CAD: variants seen among roughly 807,000 people sequenced by gnomAD.
CAD encodes the protein carbamoyl-phosphate synthetase 2, aspartate transcarbamylase, and dihydroorotase, also known as multifunctional protein CAD.
Under a neutral mutation model 237.2 loss-of-function variants are expected in CAD, and 81 were observed. The ratio of observed to expected loss-of-function variants is 0.34; its 90% CI spans 0.29 to 0.41. The LOEUF (loss-of-function observed/expected upper bound fraction) is 0.41. CAD is among the 10% of genes least tolerant of loss of function. The pLI is 1.00. For synonymous variants in CAD, 1,196 were observed against 1,162.8 expected (o/e 1.03, Z -0.58); for missense variants, 2,181 against 2,951.7 (o/e 0.74, Z 6.05).
rs115405095 is a variant in CAD, at chr2:27,219,358, T to G, written c.222+1342T>G. 5.5e-3 allele frequency among the ~76,000 whole-genome samples: 841 copies of G among 152,078 alleles called. 9 individuals carry two copies. The highest frequency in any genetic ancestry group is 0.019 in the African/African-American group (777 of 41,418). On this transcript the variant is annotated intron_variant, in intron 2 of 43. Coordinates refer to ENST00000264705, the MANE Select transcript of CAD (RefSeq NM_004341.5). Reference sequence around the variant, plus strand: ...AAGTTTATGGTTTTTGTTTTTTTTTTGGGGACAAGGTCTCACTTTGTCACC... The same window carrying G: ...AAGTTTATGGTTTTTGTTTTTTTTTGGGGGACAAGGTCTCACTTTGTCACC...
At chr2:27,234,941 C>T (rs940868709) in intron 23 of CAD, among the ~76,000 whole-genome samples, 1 of 152,178 alleles carries the variant, frequency 6.6e-6, no homozygotes, top group African/African-American at 2.4e-5. Context: ...CAGAATGCTG[C>T]AGGAGTTCAA....
In CAD at chr2:27,235,449, T is replaced by TC. The variant is rs1675955585; in HGVS notation, c.3969+25dup. 3 of 1,608,034 alleles carry TC rather than the reference T, an allele frequency of 1.9e-6. No individual in the cohort carries two copies. In the South Asian group the frequency reaches 3.3e-5, roughly 18 times the overall value. On this transcript the variant is annotated intron_variant, in intron 24 of 43. Coordinates refer to ENST00000264705, the MANE Select transcript of CAD (RefSeq NM_004341.5). This position sits in a 1 kb window ranked among gnomAD's most constrained non-coding sequence, Gnocchi z 5.2. ...TAAGGTATCAGAATCCAGGAGGGCT[T>TC]CCCGAGGGCCGTGGCTCCCTGGGCC...
Position 27,222,867 on chromosome 2 carries a change from G to T in CAD, c.639G>T (p.Glu213Asp), listed in dbSNP as rs901882614. 4 of 1,614,032 alleles carry T rather than the reference G, an allele frequency of 2.5e-6. No individual in the cohort carries two copies. In the African/African-American group the frequency reaches 5.3e-5, roughly 22 times the overall value. Residue 213 changes from glutamate to aspartate, a missense_variant and splice_region_variant, in exon 6 of 44, where the codon GAG (glutamate) becomes GAT (aspartate). Glu to Asp is a conservative substitution (Grantham distance 45). This residue lies in a region of CAD where 314 missense variants were observed against 339.4 expected (regional missense o/e 0.93). Coordinates refer to ENST00000264705, the MANE Select transcript of CAD (RefSeq NM_004341.5). ...TGTCATCTTTTCTGCCCACTCCAGA[G>T]TATGAGGGTCTCTTCTTAAGTAATG... is the stretch of plus-strand genomic sequence containing the variant. Reference protein sequence around the residue: ...VPWDHALDSQEYEGLFLSNGP... With the variant: ...VPWDHALDSQDYEGLFLSNGP...
chr2:27,226,975 C>T lies in CAD; in HGVS notation c.2287+13C>T, dbSNP rs1196784126. 7.4e-6 allele frequency: 12 copies of T among 1,613,668 alleles called. No individual in the cohort carries two copies. Among genetic ancestry groups the T allele is most frequent in the Admixed American group, 1.7e-5 (1 of 60,008 alleles). ...ATGAAGAGCGTTGGTGAGACTCATG[C>T]CCTGGGCACCCCCATGGGGCCCCAC... On this transcript the variant is annotated intron_variant, in intron 15 of 43. Coordinates refer to ENST00000264705, the MANE Select transcript of CAD (RefSeq NM_004341.5).
rs1215604988 is a variant in CAD at position 27,240,321 on chromosome 2, G to A, written c.5553G>A (p.Leu1851=). 1.9e-6 allele frequency: 3 copies of A among 1,613,998 alleles called. No individual in the cohort carries two copies. In the South Asian group the frequency reaches 3.3e-5, roughly 18 times the overall value. The stretch of plus-strand genomic sequence containing the variant: ...GGCTTCCTGATGGCCGCTTCCATCT[G>A]CCGCCCCGAATCCATCGAGCCTCCG... ...IPGLPDGRFH[L]PPRIHRASDP... Residue 1851 remains leucine (L), a synonymous_variant, in exon 35 of 44, where the codon CTG becomes CTA. Coordinates refer to ENST00000264705, the MANE Select transcript of CAD (RefSeq NM_004341.5). The surrounding 1 kb of genome is among the most constrained non-coding windows in gnomAD (Gnocchi z 4.6).
rs1676333114 is a variant in CAD at position 27,241,853 on chromosome 2, T to C, written c.5884-58T>C. On this transcript the variant is annotated intron_variant, in intron 38 of 43. Transcript: ENST00000264705. This position sits in a 1 kb window ranked among gnomAD's most constrained non-coding sequence, Gnocchi z 4.6. Reference sequence around the variant, plus strand: ...GTCAGTTGGGGTGGTGGTGCCTAGCTGGGGTTTCCCCAGGGTGGACACGCA... The same window carrying C: ...GTCAGTTGGGGTGGTGGTGCCTAGCCGGGGTTTCCCCAGGGTGGACACGCA... The C allele has an allele frequency of 6.9e-7, 1 of 1,444,800 alleles. No homozygotes were observed. The highest frequency in any genetic ancestry group is 1.2e-5 in the South Asian group (1 of 83,240). The allele number at this position is 1,444,800 out of a possible 1,614,324, so 89.5% of individuals were successfully genotyped here.
chr2:27,237,974 G>A lies in CAD; in HGVS notation c.4729-82G>A, dbSNP rs189904403. On this transcript the variant is annotated intron_variant, in intron 29 of 43. Coordinates refer to ENST00000264705, the MANE Select transcript of CAD (RefSeq NM_004341.5). The surrounding 1 kb of genome is among the most constrained non-coding windows in gnomAD (Gnocchi z 4.0). ...GTGGGCTGGTAGCAGTGAGGATTCAGGGGAGCTCCTGGGGACTCTGGGCTC... is the reference window on the plus strand; with the variant it reads ...GTGGGCTGGTAGCAGTGAGGATTCAAGGGAGCTCCTGGGGACTCTGGGCTC... 2.6e-5 allele frequency: 41 copies of A among 1,584,250 alleles called. No homozygotes were observed. In the East Asian group the frequency reaches 8.8e-4, roughly 34 times the overall value.
Position 27,233,733 on chromosome 2 carries a change from G to T in CAD, c.3324G>T (p.Glu1108Asp), listed in dbSNP as rs1318870892. 6.2e-7 allele frequency: 1 copy of T among 1,614,140 alleles called. No individual in the cohort carries two copies. Among genetic ancestry groups the T allele is most frequent in the Admixed American group, 1.7e-5 (1 of 60,024 alleles). ...TGGCCTACACGGATGGAGACCTGGA[G>T]CGCTTCCTGAGCAGCGCAGCAGCCG... is the stretch of plus-strand genomic sequence containing the variant. The part of the protein sequence containing the change: ...MNVAYTDGDL[E>D]RFLSSAAAVS... The change falls in exon 21 of 44, where the codon GAG becomes GAT. Residue 1108 changes from glutamate (E) to aspartate (D), a missense_variant. Around this residue, in one of 12 missense-constraint regions of CAD, gnomAD observed 306 missense variants for 607.9 expected, o/e 0.50. Coordinates refer to ENST00000264705, the MANE Select transcript of CAD (RefSeq NM_004341.5). This position sits in a 1 kb window ranked among gnomAD's most constrained non-coding sequence, Gnocchi z 6.3.
At chr2:27,243,008 C>T in intron 42 of CAD, 35 bp downstream of exon 42, 1 of 1,522,848 alleles carries the variant, frequency 6.6e-7, no homozygotes, top group Non-Finnish European at 9.0e-7. Flanking sequence ...GCCAGGGCTG[C>T]TGCCGTAGGG....
Position 27,237,377 on chromosome 2 carries a change from A to G in CAD, c.4397-2A>G. 1.2e-6 allele frequency: 2 copies of G among 1,613,806 alleles called. No homozygotes were observed. Among genetic ancestry groups the G allele is most frequent in the Non-Finnish European group, 1.7e-6 (2 of 1,179,792 alleles). On this transcript the variant is annotated splice_acceptor_variant, in intron 27 of 43. Transcript: ENST00000264705. LOFTEE classifies it high-confidence loss of function. This position sits in a 1 kb window ranked among gnomAD's most constrained non-coding sequence, Gnocchi z 4.0. ...AATCTTGCTGCTTCCATTTTCTCCC[A>G]GGATTGATTGATGTCCATGTGCACC...
At position 27,217,394 on chromosome 2, in the gene CAD, G is replaced by T. The variant is rs1285278958; in HGVS notation, c.-158G>T. 5 of 660,628 alleles carry T rather than the reference G, an allele frequency of 7.6e-6. No homozygotes were observed. The Admixed American group carries it at 7.6e-5, about 10-fold the overall frequency. The allele number at this position is 660,628 out of a possible 1,614,324, so 40.9% of individuals were successfully genotyped here. A position where few individuals can be genotyped will look rare whatever the true frequency, so the allele number is the denominator to read the frequency against. The stretch of plus-strand genomic sequence containing the variant: ...AGTCTCTGCTGCTGCCGCCAAGCGC[G>T]CCCGAGGCTCCTACGCTGCCGCGCC... On this transcript the variant is annotated 5_prime_UTR_variant, in exon 1 of 44. Coordinates refer to ENST00000264705, the MANE Select transcript of CAD (RefSeq NM_004341.5).
chr2:27,219,805 T>C (rs10172758), intron 2 of CAD, among the ~76,000 whole-genome samples: 162 of 152,210 alleles, frequency 1.1e-3, no homozygotes, highest in African/African-American at 3.6e-3. Context: ...GTCAGGCTGG[T>C]TTTGAACTCC....
chr2:27,222,624 A>G lies in CAD; in HGVS notation c.601A>G (p.Thr201Ala). The change falls in exon 5 of 44, where the codon ACT becomes GCT. Residue 201 changes from threonine to alanine, a missense_variant. By Grantham distance (58) the Thr-to-Ala change is moderately conservative. Coordinates refer to ENST00000264705, the MANE Select transcript of CAD (RefSeq NM_004341.5). The stretch of plus-strand genomic sequence containing the variant: ...CCTCTGCCAGCGTGGGGCTGAGGTC[A>G]CTGTGGTACCCTGGGACCATGCACT... ...RCLCQRGAEVTVVPWDHALDS... is the reference protein window; with the variant it reads ...RCLCQRGAEVAVVPWDHALDS... 6.2e-7 allele frequency: 1 copy of G among 1,614,070 alleles called. No homozygotes were observed. The highest frequency in any genetic ancestry group is 8.5e-7 in the Non-Finnish European group (1 of 1,180,004).
chr2:27,230,253 G>A (rs1001095181), intron 15 of CAD, among the ~76,000 whole-genome samples: 12 of 152,022 alleles, frequency 7.9e-5, no homozygotes, highest in Non-Finnish European at 1.5e-5. Flanking sequence ...GAATTAAGTT[G>A]GTGTTGATGA....
Position 27,235,034 on chromosome 2 carries a change from T to C in CAD, c.3787-211T>C, listed in dbSNP as rs1368032362. ...GCTATTTGAATTGAGTTTTGAAGGA[T>C]GGTTAAGGTTTTTTATTTGCAAGGG... On this transcript the variant is annotated intron_variant, in intron 23 of 43. Transcript: ENST00000264705. The surrounding 1 kb of genome is among the most constrained non-coding windows in gnomAD (Gnocchi z 5.2). 6.6e-6 allele frequency among the ~76,000 whole-genome samples: 1 copy of C among 151,876 alleles called. No homozygotes were observed. The highest frequency in any genetic ancestry group is 2.4e-5 in the African/African-American group (1 of 41,316).
chr2:27,242,735 C>G lies in CAD; in HGVS notation c.6338C>G (p.Pro2113Arg). Residue 2113 changes from proline to arginine, a missense_variant, in exon 41 of 44, where the codon CCC (proline) becomes CGC (arginine). This residue lies in a region of CAD where 170 missense variants were observed against 212.1 expected (regional missense o/e 0.80). Coordinates refer to ENST00000264705, the MANE Select transcript of CAD (RefSeq NM_004341.5). The surrounding 1 kb of genome is among the most constrained non-coding windows in gnomAD (Gnocchi z 6.4). ...YVAPPSLRMP[P>R]TVRAFVASRG... is the part of the protein sequence containing the mutation. The stretch of plus-strand genomic sequence containing the variant: ...GCACCTCCCAGCCTGCGCATGCCAC[C>G]CACTGTGCGGGCCTTCGTGGCCTCC... 3 of 1,614,204 alleles carry G rather than the reference C, an allele frequency of 1.9e-6. No homozygotes were observed. The highest frequency in any genetic ancestry group is 2.5e-6 in the Non-Finnish European group (3 of 1,180,028).
At position 27,217,584 on chromosome 2, in the gene CAD, C is replaced by A; in HGVS notation, c.33C>A (p.Val11=). The change falls in exon 1 of 44, where the codon GTC becomes GTA. Residue 11 remains valine (V), a synonymous_variant. Transcript: ENST00000264705. ...CCCTAGTGTTGGAGGACGGGTCGGT[C>A]CTGCGGGGCCAGCCCTTTGGGGCCG... is the stretch of plus-strand genomic sequence containing the variant. The part of the protein sequence containing the change: MAALVLEDGS[V]LRGQPFGAAV... The A allele has an allele frequency of 6.2e-7, 1 of 1,608,768 alleles. No homozygotes were observed. Among genetic ancestry groups the A allele is most frequent in the Non-Finnish European group, 8.5e-7 (1 of 1,178,112 alleles).
Position 27,225,047 on chromosome 2 carries a change from C to T in CAD, c.1424C>T (p.Thr475Ile), listed in dbSNP as rs1444107227. 1.2e-6 allele frequency: 2 copies of T among 1,612,706 alleles called. No individual in the cohort carries two copies. The highest frequency in any genetic ancestry group is 1.7e-6 in the Non-Finnish European group (2 of 1,178,846). ...RNERPDGVLL[T>I]FGGQTALNCG... ...GAACGCCCCGATGGTGTGTTACTGA[C>T]TTTTGGGGGCCAGACTGCTCTGAAC... Residue 475 changes from threonine (T) to isoleucine (I), a missense_variant, in exon 11 of 44, where the codon ACT (threonine) becomes ATT (isoleucine). Physicochemically the swap from Thr to Ile is moderately conservative, Grantham distance 89. Coordinates refer to ENST00000264705, the MANE Select transcript of CAD (RefSeq NM_004341.5).
chr2:27,225,919 G>C lies in CAD; in HGVS notation c.1835G>C (p.Cys612Ser). 1 of 1,613,866 alleles carries C rather than the reference G, an allele frequency of 6.2e-7. No homozygotes were observed. Among genetic ancestry groups the C allele is most frequent in the South Asian group, 1.1e-5 (1 of 91,090 alleles). Reference sequence around the variant, plus strand: ...GTGGTGAGAGACGCCTATGGCAACTGTGTCACGGTGAGTGAATGGGGGAAG... The same window carrying C: ...GTGGTGAGAGACGCCTATGGCAACTCTGTCACGGTGAGTGAATGGGGGAAG... ...YEVVRDAYGN[C>S]VTVCNMENLD... The change falls in exon 12 of 44, where the codon TGT becomes TCT. Residue 612 changes from cysteine (C) to serine (S), a missense_variant. Around this residue, in one of 12 missense-constraint regions of CAD, gnomAD observed 385 missense variants for 535.1 expected, o/e 0.72. Transcript: ENST00000264705.
Sources: gnomAD v4.1 joint callset for allele counts (sites outside exome capture counted in the v4.1 genomes callset) on GRCh38, gnomAD v4.1.1 for gene constraint, gnomAD v4.1.1 regional missense constraint, Gnocchi (gnomAD v3.1) non-coding constraint, MANE v1.5 for transcripts, NCBI Gene and HGNC (gene_info 2026-07-23, HGNC 2026-07-21) for gene names.